Variants in CSMD1 observed in about 807,000 individuals in gnomAD.
CSMD1 encodes CUB and sushi domain-containing protein 1.
A neutral mutation model predicts 417.5 loss-of-function variants in CSMD1; 213 were observed. That is an observed-to-expected ratio of 0.51 (90% CI 0.46 to 0.57). CSMD1 has a LOEUF of 0.57. Ranked by LOEUF, CSMD1 falls within the 20% of genes least tolerant of loss-of-function variation. The probability of loss-of-function intolerance (pLI) is 0.00; values close to 1 mark genes in which losing one functional copy is unlikely to be tolerated. For missense variants in CSMD1, 6,923 were observed against 4,529.7 expected (o/e 1.53, Z -15.17); for synonymous variants, 2,862 against 1,736.8 (o/e 1.65, Z -16.11).
At chr8:4,411,175 G>C (rs1416222576) in intron 3 of CSMD1, among the ~76,000 whole-genome samples, 1 of 151,970 alleles carries the variant, frequency 6.6e-6, no homozygotes, top group Non-Finnish European at 1.5e-5. Flanking sequence ...CCCAGTCTCA[G>C]GTAACACAGC....
chr8:3,600,935 G>C (rs1384287668), intron 8 of CSMD1, among the ~76,000 whole-genome samples: 19 of 152,208 alleles, frequency 1.2e-4, no homozygotes, highest in Non-Finnish European at 1.0e-4. Context: ...TGTGGATAGA[G>C]AGGAAGGAAT....
intron 1 of CSMD1, among the ~76,000 whole-genome samples, chr8:4,926,727 C>A (rs760105663): frequency 1.2e-4 from 19 of 152,060 alleles, no homozygotes; most frequent in Non-Finnish European, 2.5e-4. Flanking sequence ...CAGGACTTTA[C>A]AATCTATACT....
At chr8:3,874,612 T>G (rs1366651819) in intron 5 of CSMD1, among the ~76,000 whole-genome samples, 1 of 152,120 alleles carries the variant, frequency 6.6e-6, no homozygotes, top group East Asian at 1.9e-4. Flanking sequence ...GTAGATTAAG[T>G]CTCACATGTG....
intron 3 of CSMD1, among the ~76,000 whole-genome samples, chr8:4,355,313 A>G (rs918645881): frequency 1.5e-5 from 2 of 133,876 alleles, no homozygotes; most frequent in Non-Finnish European, 3.4e-5. Context: ...TCATACACAC[A>G]CACACACACA....
chr8:3,147,716 G>A (rs1161154074), intron 40 of CSMD1, among the ~76,000 whole-genome samples: 1 of 152,176 alleles, frequency 6.6e-6, no homozygotes, highest in Non-Finnish European at 1.5e-5. Context: ...AGGGTCTAAG[G>A]CAATCAAGTT....
intron 3 of CSMD1, among the ~76,000 whole-genome samples, chr8:4,170,045 T>C (rs144266746): frequency 2.0e-5 from 3 of 151,970 alleles, no homozygotes; most frequent in Non-Finnish European, 4.4e-5. Context: ...ATTATTTGAA[T>C]ACTCAAAACC....
intron 12 of CSMD1, among the ~76,000 whole-genome samples, chr8:3,465,530 C>T (rs1013471422): frequency 6.6e-6 from 1 of 152,142 alleles, no homozygotes; most frequent in African/African-American, 2.4e-5. Context: ...GCCAGGAAAG[C>T]ATCCTCCAGG....
At chr8:4,248,114 TA>T (rs1359536637) in intron 3 of CSMD1, among the ~76,000 whole-genome samples, 3 of 152,160 alleles carry the variant, frequency 2.0e-5, no homozygotes, top group East Asian at 1.9e-4. Flanking sequence ...ATTTCCAGTT[TA>T]TTTTTTTTAA....
chr8:3,909,820 G>C (rs1808345797), intron 5 of CSMD1, among the ~76,000 whole-genome samples: 1 of 152,086 alleles, frequency 6.6e-6, no homozygotes, highest in Non-Finnish European at 1.5e-5. Context: ...TTTGCATGGT[G>C]ATTGTAATAG....
At chr8:3,980,389 T>C (rs375611917) in intron 5 of CSMD1, among the ~76,000 whole-genome samples, 3 of 152,154 alleles carry the variant, frequency 2.0e-5, no homozygotes, top group South Asian at 2.1e-4. Flanking sequence ...GTTGACCTAT[T>C]CCTGGCGGCA....
intron 10 of CSMD1, among the ~76,000 whole-genome samples, chr8:3,567,209 A>T (rs1799750940): frequency 6.6e-6 from 1 of 152,166 alleles, no homozygotes. Flanking sequence ...CTAGGTGGGC[A>T]CCAAATGGTG....
intron 8 of CSMD1, among the ~76,000 whole-genome samples, chr8:3,592,095 GATAA>G (rs1800874891): frequency 1.3e-5 from 2 of 152,044 alleles, no homozygotes; most frequent in African/African-American, 4.8e-5. Flanking sequence ...TAGAGAGACA[GATAA>G]ATAGATGGAT....
At chr8:4,697,585 T>C (rs78765913) in intron 1 of CSMD1, among the ~76,000 whole-genome samples, 4,589 of 152,242 alleles carry the variant, frequency 0.03, 228 homozygotes, top group African/African-American at 0.096. Context: ...CAAGTGACTA[T>C]TGACTAGAGT....
intron 50 of CSMD1, among the ~76,000 whole-genome samples, chr8:3,035,644 T>C (rs1206542642): frequency 6.6e-6 from 1 of 152,228 alleles, no homozygotes; most frequent in Non-Finnish European, 1.5e-5. Context: ...TGTTTTAAAA[T>C]TTTGGTCAAC....
chr8:4,964,943 C>A (rs1809761589), intron 1 of CSMD1, among the ~76,000 whole-genome samples: 1 of 152,148 alleles, frequency 6.6e-6, no homozygotes, highest in Non-Finnish European at 1.5e-5. Flanking sequence ...ATTAACCTTT[C>A]TTTGCATATG....
At chr8:4,591,437 G>A (rs756362213) in intron 2 of CSMD1, among the ~76,000 whole-genome samples, 1 of 152,204 alleles carries the variant, frequency 6.6e-6, no homozygotes, top group Non-Finnish European at 1.5e-5. Flanking sequence ...ACAGAAATGA[G>A]CAAAGCTGTT....
chr8:4,602,978 T>A (rs949389036), intron 2 of CSMD1, among the ~76,000 whole-genome samples: 1 of 152,006 alleles, frequency 6.6e-6, no homozygotes, highest in Admixed American at 6.6e-5. Context: ...TCAGACTATT[T>A]GTAATTTAGT....
chr8:3,619,186 G>T (rs1802294977), intron 7 of CSMD1, among the ~76,000 whole-genome samples: 1 of 151,928 alleles, frequency 6.6e-6, no homozygotes, highest in African/African-American at 2.4e-5. Flanking sequence ...AGCAGCTGGG[G>T]AAAAAAATAA....
intron 1 of CSMD1, among the ~76,000 whole-genome samples, chr8:4,947,456 T>C (rs1378190425): frequency 1.3e-5 from 2 of 152,260 alleles, no homozygotes; most frequent in East Asian, 3.9e-4. Context: ...AATATTTGAC[T>C]TGTCATCTGT....
Sources: allele counts gnomAD v4.1 joint callset (sites outside exome capture counted in the v4.1 genomes callset), GRCh38; gene constraint gnomAD v4.1.1; transcripts MANE v1.5; gene names NCBI Gene and HGNC (gene_info 2026-07-23, HGNC 2026-07-21).